The following ARHGAP19 variants were observed in gnomAD, a reference collection of about 807,000 sequenced individuals.
ARHGAP19 encodes the protein rho GTPase-activating protein 19.
Under a neutral mutation model 60.9 loss-of-function variants are expected in ARHGAP19, and 48 were observed. That is an observed-to-expected ratio of 0.79 (90% CI 0.62 to 1.00). The LOEUF (loss-of-function observed/expected upper bound fraction) is 1.00, where lower values mean the gene tolerates loss of function less well. ARHGAP19 is among the 50% of genes least tolerant of loss of function. ARHGAP19 has a pLI of 0.00. For synonymous variants in ARHGAP19, 209 were observed against 215.5 expected (o/e 0.97, Z 0.27); for missense variants, 562 against 597.2 (o/e 0.94, Z 0.61).
At chr10:97,272,139 T>TC (rs1842966951) in intron 1 of ARHGAP19, among the ~76,000 whole-genome samples, 1 of 142,074 alleles carries the variant, frequency 7.0e-6, no homozygotes, top group South Asian at 2.3e-4. Flanking sequence ...GTCTTTTTTT[T>TC]TTTTTTTTTT....
intron 8 of ARHGAP19, among the ~76,000 whole-genome samples, chr10:97,243,008 T>C (rs1342677252): frequency 6.6e-6 from 1 of 152,208 alleles, no homozygotes; most frequent in Non-Finnish European, 1.5e-5. Flanking sequence ...AACTACTTAG[T>C]TTCTATCAAG....
intron 9 of ARHGAP19, among the ~76,000 whole-genome samples, chr10:97,231,279 A>AT (rs372142968): frequency 2.0e-5 from 3 of 151,774 alleles, no homozygotes; most frequent in African/African-American, 4.8e-5. Context: ...TAGCTAAGGG[A>AT]TTTTTTTTAA....
intron 1 of ARHGAP19, among the ~76,000 whole-genome samples, chr10:97,273,252 T>G (rs554584826): frequency 6.6e-6 from 1 of 151,998 alleles, no homozygotes; most frequent in Non-Finnish European, 1.5e-5. Context: ...AACCTCCACC[T>G]CCCAGATTCA....
chr10:97,266,021 G>T lies in ARHGAP19; in HGVS notation c.161C>A (p.Pro54His), dbSNP rs952477745. 2 of 1,614,052 alleles carry T rather than the reference G, an allele frequency of 1.2e-6. No individual in the cohort carries two copies. Among genetic ancestry groups the T allele is most frequent in the African/African-American group, 1.3e-5 (1 of 74,920 alleles). ...GACCACCAACTCAGTGAAAATCTCA[G>T]GTTTCTCATGTCGGAGTTTCTCCAC... ...FFVEKLRHEK[P>H]EIFTELVVSN... Residue 54 changes from proline (P) to histidine (H), a missense_variant, in exon 2 of 12, where the codon CCT (proline) becomes CAT (histidine). By Grantham distance (77) the Pro-to-His change is moderately conservative. Coordinates refer to ENST00000358531, the MANE Select transcript of ARHGAP19 (RefSeq NM_032900.6).
chr10:97,267,252 T>C (rs145299376), intron 1 of ARHGAP19, among the ~76,000 whole-genome samples: 208 of 152,274 alleles, frequency 1.4e-3, no homozygotes, highest in African/African-American at 4.5e-3. Context: ...ATCTTACAGC[T>C]CTGAAATAAT....
chr10:97,228,299 A>C (rs1253189463), intron 11 of ARHGAP19, among the ~76,000 whole-genome samples: 1 of 152,244 alleles, frequency 6.6e-6, no homozygotes, highest in African/African-American at 2.4e-5. Flanking sequence ...GACTCACTTC[A>C]GCTGCCACAT....
At chr10:97,229,936 A>G in intron 9 of ARHGAP19, 62 bp from the exon 10 acceptor site, 1 of 1,201,604 alleles carries the variant, frequency 8.3e-7, no homozygotes, top group Non-Finnish European at 1.2e-6. Context: ...GTGGAGCTAT[A>G]CTAGCCTTCA....
intron 1 of ARHGAP19, among the ~76,000 whole-genome samples, chr10:97,278,566 T>C (rs1314919276): frequency 6.6e-6 from 1 of 152,160 alleles, no homozygotes; most frequent in Non-Finnish European, 1.5e-5. Flanking sequence ...AGGTGGATTG[T>C]GGCCTATCAT....
chr10:97,274,486 G>A (rs1402710367), intron 1 of ARHGAP19, among the ~76,000 whole-genome samples: 1 of 151,406 alleles, frequency 6.6e-6, no homozygotes, highest in Non-Finnish European at 1.5e-5. Context: ...AAGAGTTCCT[G>A]AAGTGCTAAT....
chr10:97,292,380 C>A (rs1406739231), intron 1 of ARHGAP19, among the ~76,000 whole-genome samples, 192 bp downstream of exon 1: 1 of 152,194 alleles, frequency 6.6e-6, no homozygotes, highest in Non-Finnish European at 1.5e-5. Context: ...CAGGACCGAG[C>A]GGGGGGTTTG....
At position 97,248,154 on chromosome 10, in the gene ARHGAP19, G is replaced by A. The variant is rs1842589707; in HGVS notation, c.928-1817C>T. Reference sequence around the variant, plus strand: ...CTAATTTTTGTACTTTTGTAGAGACGGGGTTTCACCCCGCCTTTGGGAGGC... The same window carrying A: ...CTAATTTTTGTACTTTTGTAGAGACAGGGTTTCACCCCGCCTTTGGGAGGC... On this transcript the variant is annotated intron_variant, in intron 6 of 11. Coordinates refer to ENST00000358531, the MANE Select transcript of ARHGAP19 (RefSeq NM_032900.6). Among the ~76,000 whole-genome samples the A allele has an allele frequency of 2.6e-5, 4 of 151,974 alleles. No individual in the cohort carries two copies. The South Asian group carries it at 8.3e-4, about 32-fold the overall frequency.
intron 9 of ARHGAP19, among the ~76,000 whole-genome samples, chr10:97,232,345 A>G (rs531089779): frequency 1.3e-5 from 2 of 151,594 alleles, no homozygotes; most frequent in East Asian, 3.9e-4. Flanking sequence ...TTGTATTTTT[A>G]ATAGAGATGG....
chr10:97,243,400 A>G (rs1842517800), intron 8 of ARHGAP19, among the ~76,000 whole-genome samples: 1 of 152,152 alleles, frequency 6.6e-6, no homozygotes, highest in African/African-American at 2.4e-5. Flanking sequence ...GAGTCCCAAA[A>G]TAGCAAATTT....
In ARHGAP19 at chr10:97,254,347, A is replaced by G. The variant is rs116678810; in HGVS notation, c.927+1971T>C. ...TACTGGTATAAAGTCAGATAAGTAG[A>G]CCAATGGAATAGACTAGAAAGCCAG... On this transcript the variant is annotated intron_variant, in intron 6 of 11. Coordinates refer to ENST00000358531, the MANE Select transcript of ARHGAP19 (RefSeq NM_032900.6). 8.0e-3 allele frequency among the ~76,000 whole-genome samples: 1,226 copies of G among 152,328 alleles called. 21 individuals carry two copies. The highest frequency in any genetic ancestry group is 0.028 in the African/African-American group (1,159 of 41,570).
rs370231559 is a variant in ARHGAP19 at position 97,229,240 on chromosome 10, T to C, written c.1396-15A>G. On this transcript the variant is annotated splice_polypyrimidine_tract_variant and intron_variant, in intron 10 of 11. Transcript: ENST00000358531. ...CCAGAAAATAACTGTAATAAGAAAA[T>C]TGTACAGTGGTTTCAATGTTCTAAT... 389 of 1,603,604 alleles carry C rather than the reference T, an allele frequency of 2.4e-4. No individual in the cohort carries two copies. In the Middle Eastern group the frequency reaches 6.6e-3, roughly 27 times the overall value.
intron 1 of ARHGAP19, among the ~76,000 whole-genome samples, chr10:97,272,131 C>CTT (rs35980234): frequency 0.058 from 4,920 of 85,518 alleles, 758 homozygotes; most frequent in African/African-American, 0.17. Context: ...GGAAATATGT[C>CTT]TTTTTTTTTT....
At chr10:97,286,321 G>C (rs1006850120) in intron 1 of ARHGAP19, among the ~76,000 whole-genome samples, 4 of 152,240 alleles carry the variant, frequency 2.6e-5, no homozygotes, top group Admixed American at 2.0e-4. Flanking sequence ...GCCAGGCACG[G>C]TGGCTCACAC....
Position 97,238,803 on chromosome 10 carries a change from C to T in ARHGAP19, c.1186-3488G>A, listed in dbSNP as rs78942483. Among the ~76,000 whole-genome samples the T allele has an allele frequency of 2.0e-3, 297 of 152,218 alleles. 3 individuals are homozygous for T. The East Asian group carries it at 0.046, about 23-fold the overall frequency. Reference sequence around the variant, plus strand: ...GTACAGTGATTATAAAGTCTACAGTCGTGTCAGCAATGTCCTAGGTCTTCA... The same window carrying T: ...GTACAGTGATTATAAAGTCTACAGTTGTGTCAGCAATGTCCTAGGTCTTCA... On this transcript the variant is annotated intron_variant, in intron 8 of 11. Coordinates refer to ENST00000358531, the MANE Select transcript of ARHGAP19 (RefSeq NM_032900.6).
chr10:97,232,635 T>G (rs1157581541), intron 9 of ARHGAP19, among the ~76,000 whole-genome samples: 2 of 152,172 alleles, frequency 1.3e-5, no homozygotes, highest in East Asian at 3.8e-4. Context: ...CAAGTAAGCC[T>G]AATGTCCTAG....
Sources: gnomAD v4.1 joint callset for allele counts (sites outside exome capture counted in the v4.1 genomes callset) on GRCh38, gnomAD v4.1.1 for gene constraint, MANE v1.5 for transcripts, NCBI Gene and HGNC (gene_info 2026-07-23, HGNC 2026-07-21) for gene names.